Variants in RBFOX1 observed in about 807,000 individuals in gnomAD.
RBFOX1 encodes the protein RNA binding fox-1 homolog 1.
In RBFOX1, 8 loss-of-function variants were observed where a neutral mutation model predicts 57.7. The ratio of observed to expected loss-of-function variants is 0.14; its 90% CI spans 0.08 to 0.25. The LOEUF is 0.25. RBFOX1 is among the 10% of genes least tolerant of loss of function. The pLI is 1.00. For synonymous variants in RBFOX1, 326 were observed against 222.4 expected (o/e 1.47, Z -4.15); for missense variants, 611 against 548.5 (o/e 1.11, Z -1.14).
chr16:6,957,116 T>TTATTA (rs1555677707), intron 3 of RBFOX1, among the ~76,000 whole-genome samples: 3 of 139,244 alleles, frequency 2.2e-5, no homozygotes, highest in African/African-American at 8.3e-5. Context: ...TTATTTTTAT[T>TTATTA]TTTATTTATT....
At position 5,761,729 on chromosome 16, in the gene RBFOX1, G is replaced by T. The variant is rs150137727; in HGVS notation, c.319-105574G>T. Among the ~76,000 whole-genome samples the T allele has an allele frequency of 9.2e-5, 14 of 152,228 alleles. No homozygotes were observed. The East Asian group carries it at 2.5e-3, about 27-fold the overall frequency. On this transcript the variant is annotated intron_variant, in intron 3 of 19. Coordinates refer to the RBFOX1 transcript ENST00000641259. ...GAGCTATAATTCAAGATGACATTTG[G>T]GTGGGGACACAGCAAACTCTATCAG...
At chr16:6,516,111 T>G (rs1291214081) in intron 2 of RBFOX1, among the ~76,000 whole-genome samples, 2 of 152,088 alleles carry the variant, frequency 1.3e-5, no homozygotes, top group Non-Finnish European at 2.9e-5. Flanking sequence ...TCACTGTAAC[T>G]TCCGCCGCCC....
intron 1 of RBFOX1, among the ~76,000 whole-genome samples, chr16:5,408,385 G>A (rs574823877): frequency 8.5e-5 from 13 of 152,292 alleles, no homozygotes; most frequent in African/African-American, 2.6e-4. Context: ...AGCAAGGCAG[G>A]CTGGGGGCAG....
At chr16:5,810,374 G>C (rs1397000848) in intron 3 of RBFOX1, among the ~76,000 whole-genome samples, 1 of 152,196 alleles carries the variant, frequency 6.6e-6, no homozygotes, top group African/African-American at 2.4e-5. Context: ...CAGCCAAGGA[G>C]AGAGGCCTCA....
intron 3 of RBFOX1, among the ~76,000 whole-genome samples, chr16:6,734,028 G>A (rs537691251): frequency 6.6e-6 from 1 of 152,260 alleles, no homozygotes; most frequent in South Asian, 2.1e-4. Context: ...AGTTTAACAC[G>A]TGCTTATGTT....
chr16:7,223,709 TCAGAAA>T (rs2092900654), intron 4 of RBFOX1, among the ~76,000 whole-genome samples: 1 of 103,148 alleles, frequency 9.7e-6, no homozygotes, highest in Non-Finnish European at 2.0e-5. Context: ...CGTCAGTGTT[TCAGAAA>T]AAAAAAAAAA....
intron 5 of RBFOX1, among the ~76,000 whole-genome samples, chr16:7,569,092 C>T (rs1161443237): frequency 6.6e-6 from 1 of 151,876 alleles, no homozygotes; most frequent in East Asian, 1.9e-4. Context: ...CTTTTTCTTC[C>T]CCCAGCACAC....
At chr16:7,363,739 A>G (rs1430443696) in intron 4 of RBFOX1, among the ~76,000 whole-genome samples, 1 of 152,186 alleles carries the variant, frequency 6.6e-6, no homozygotes, top group African/African-American at 2.4e-5. Context: ...CATTTTATGG[A>G]GCATTTAATG....
chr16:7,088,560 A>C (rs1361722576), intron 4 of RBFOX1, among the ~76,000 whole-genome samples: 1 of 150,664 alleles, frequency 6.6e-6, no homozygotes, highest in East Asian at 2.0e-4. Flanking sequence ...TTTTCTGGAG[A>C]TCGTATTAAA....
chr16:6,760,433 A>C (rs1210814751), intron 3 of RBFOX1, among the ~76,000 whole-genome samples: 1 of 152,222 alleles, frequency 6.6e-6, no homozygotes, highest in African/African-American at 2.4e-5. Context: ...GTGATACTTT[A>C]ATGTTTAAGA....
intron 3 of RBFOX1, among the ~76,000 whole-genome samples, chr16:6,675,028 C>T (rs1045230952): frequency 1.3e-5 from 2 of 152,156 alleles, no homozygotes; most frequent in Admixed American, 1.3e-4. Context: ...GCCTCAGCCT[C>T]CTCATTAGCT....
chr16:7,360,864 C>T (rs1464023270), intron 4 of RBFOX1, among the ~76,000 whole-genome samples: 1 of 152,196 alleles, frequency 6.6e-6, no homozygotes, highest in Non-Finnish European at 1.5e-5. Context: ...CCCAGGTCAC[C>T]TTGACATCTT....
chr16:7,617,569 C>T (rs548299362), intron 10 of RBFOX1, among the ~76,000 whole-genome samples: 37 of 152,120 alleles, frequency 2.4e-4, no homozygotes, highest in Non-Finnish European at 4.6e-4. Flanking sequence ...AACCCATGAC[C>T]TTAGCTGGAT....
intron 3 of RBFOX1, among the ~76,000 whole-genome samples, chr16:6,698,541 T>G (rs1361590601): frequency 6.6e-6 from 1 of 152,190 alleles, no homozygotes; most frequent in African/African-American, 2.4e-5. Context: ...CTCTTCAAAT[T>G]TTTGTTTGCT....
At chr16:7,205,400 C>G (rs946728656) in intron 4 of RBFOX1, among the ~76,000 whole-genome samples, 5 of 151,782 alleles carry the variant, frequency 3.3e-5, no homozygotes, top group East Asian at 1.9e-4. Flanking sequence ...CTCCTGTAAT[C>G]CCAGCTACTC....
At chr16:5,250,545 C>T (rs537588828) in intron 1 of RBFOX1, among the ~76,000 whole-genome samples, 5 of 152,360 alleles carry the variant, frequency 3.3e-5, no homozygotes, top group Admixed American at 2.6e-4. Context: ...TTCCTGTCCA[C>T]ACCTTTTTCC....
chr16:7,698,068 A>G (rs1367219739), intron 14 of RBFOX1, among the ~76,000 whole-genome samples: 1 of 152,130 alleles, frequency 6.6e-6, no homozygotes, highest in Non-Finnish European at 1.5e-5. Flanking sequence ...TTCTAGGTTA[A>G]TTCACCAGAC....
intron 4 of RBFOX1, among the ~76,000 whole-genome samples, chr16:7,146,198 T>C (rs1366962610): frequency 7.0e-6 from 1 of 142,176 alleles, no homozygotes; most frequent in African/African-American, 2.6e-5. Context: ...TCAAGCCCCT[T>C]CCCCATTTCC....
At chr16:7,344,610 T>G (rs1321281934) in intron 4 of RBFOX1, among the ~76,000 whole-genome samples, 1 of 151,956 alleles carries the variant, frequency 6.6e-6, no homozygotes, top group Non-Finnish European at 1.5e-5. Context: ...ATTTCTACTC[T>G]TGCTACTATG....
Sources: allele counts gnomAD v4.1 joint callset (sites outside exome capture counted in the v4.1 genomes callset), GRCh38; gene constraint gnomAD v4.1.1; transcripts MANE v1.5; gene names NCBI Gene and HGNC (gene_info 2026-07-23, HGNC 2026-07-21).